The following BABAM2 variants were observed in gnomAD, a reference collection of about 807,000 sequenced individuals.
The protein encoded by BABAM2 is BRISC and BRCA1-A complex member 2.
A neutral mutation model predicts 54.7 loss-of-function variants in BABAM2; 31 were observed. The observed-to-expected ratio is 0.57, with a 90% CI of 0.43 to 0.77. The LOEUF (loss-of-function observed/expected upper bound fraction) is 0.77, where lower values mean the gene tolerates loss of function less well. BABAM2 is among the 30% of genes least tolerant of loss of function. The pLI is 0.00. For missense variants in BABAM2, 364 were observed against 455.8 expected, an observed-to-expected ratio of 0.80 and a Z score of 1.83; for synonymous variants, 167 against 162.9, an observed-to-expected ratio of 1.03 and a Z score of -0.19.
chr2:28,075,271 G>C (rs1204606671), intron 6 of BABAM2, among the ~76,000 whole-genome samples: 1 of 152,178 alleles, frequency 6.6e-6, no homozygotes, highest in Non-Finnish European at 1.5e-5. Context: ...CTGCACCTCT[G>C]TAAAAGCTGA....
At chr2:28,220,628 AT>A (rs200627305) in intron 7 of BABAM2, among the ~76,000 whole-genome samples, 5 of 148,366 alleles carry the variant, frequency 3.4e-5, no homozygotes, top group African/African-American at 4.9e-5. Context: ...CAAAAAAAAA[AT>A]AAATAAAACA....
chr2:28,023,829 A>G (rs1237575829), intron 4 of BABAM2, among the ~76,000 whole-genome samples: 3 of 152,134 alleles, frequency 2.0e-5, no homozygotes, highest in Non-Finnish European at 4.4e-5. Flanking sequence ...TCCTTAAGGC[A>G]ATATAAAGTA....
intron 7 of BABAM2, among the ~76,000 whole-genome samples, chr2:28,220,294 G>A (rs912206294): frequency 1.3e-5 from 2 of 152,060 alleles, no homozygotes; most frequent in Admixed American, 1.3e-4. Context: ...ACTGCTATTT[G>A]TACAATATAT....
At chr2:28,278,291 G>A (rs529472069) in intron 10 of BABAM2, among the ~76,000 whole-genome samples, 30 of 152,314 alleles carry the variant, frequency 2.0e-4, no homozygotes, top group Non-Finnish European at 3.5e-4. Flanking sequence ...AATTCAAGTG[G>A]AAGAAGCTGG....
intron 7 of BABAM2, among the ~76,000 whole-genome samples, chr2:28,168,461 G>A (rs72816414): frequency 0.091 from 13,898 of 152,090 alleles, 683 homozygotes; most frequent in South Asian, 0.13. Context: ...GAGCTTGCCC[G>A]ATCTGCTTTG....
intron 3 of BABAM2, among the ~76,000 whole-genome samples, chr2:27,957,270 A>C (rs1431318398): frequency 1.3e-5 from 2 of 152,186 alleles, no homozygotes; most frequent in Non-Finnish European, 2.9e-5. Context: ...AAAGTACTTT[A>C]ATTCATTCAT....
At chr2:27,913,188 C>G (rs1453208657) in intron 2 of BABAM2, among the ~76,000 whole-genome samples, 1 of 152,178 alleles carries the variant, frequency 6.6e-6, no homozygotes, top group African/African-American at 2.4e-5. Flanking sequence ...CAAGGCTTGA[C>G]TCTTTTATTA....
intron 10 of BABAM2, among the ~76,000 whole-genome samples, chr2:28,250,878 C>T (rs1481313914): frequency 6.6e-6 from 1 of 152,122 alleles, no homozygotes; most frequent in East Asian, 1.9e-4. Context: ...GGATTACAGG[C>T]GTGAGCCACC....
In BABAM2 at chr2:28,162,407, A is replaced by G. The variant is rs553735387; in HGVS notation, c.680+33027A>G. On this transcript the variant is annotated intron_variant, in intron 7 of 11. Transcript: ENST00000379624. ...ATACTAAGTAGCTGGGTATTCTCTT[A>G]GCCTCCTTTTTGTCACCTTTTACCC... Among the ~76,000 whole-genome samples the G allele has an allele frequency of 2.0e-5, 3 of 152,318 alleles. No homozygotes were observed. The South Asian group carries it at 6.2e-4, about 32-fold the overall frequency.
intron 3 of BABAM2, among the ~76,000 whole-genome samples, chr2:27,941,242 A>G (rs1210924218): frequency 6.6e-6 from 1 of 152,212 alleles, no homozygotes; most frequent in African/African-American, 2.4e-5. Flanking sequence ...AAGAATTTCC[A>G]AATGAAAATG....
In BABAM2 at chr2:28,325,825, G is replaced by A. The variant is rs368962688; in HGVS notation, c.1089-12625G>A. 5.3e-5 allele frequency among the ~76,000 whole-genome samples: 8 copies of A among 152,352 alleles called. No individual in the cohort carries two copies. The East Asian group carries it at 9.6e-4, about 18-fold the overall frequency. ...GCCTGAGCACCTGTGGAAGCCATGA[G>A]CTCTGGCCTCTGGATGCTGAGATCT... On this transcript the variant is annotated intron_variant, in intron 11 of 11. Transcript: ENST00000379624. The surrounding 1 kb of genome is among the most constrained non-coding windows in gnomAD (Gnocchi z 4.3).
At position 28,258,615 on chromosome 2, in the gene BABAM2, C is replaced by CTTTTTTTTTTT. The variant is rs70956008; in HGVS notation, c.934+13759_934+13769dup. ...CTTAAGTCTTTTTCTTTTTTCTTTT[C>CTTTTTTTTTTT]TTTTTTTTTTTTTTTTGAGACAGGA... On this transcript the variant is annotated intron_variant, in intron 10 of 11. Coordinates refer to ENST00000379624, the MANE Select transcript of BABAM2 (RefSeq NM_199191.3). 4.4e-3 allele frequency among the ~76,000 whole-genome samples: 440 copies of CTTTTTTTTTTT among 99,952 alleles called. 17 individuals carry two copies. Among genetic ancestry groups the CTTTTTTTTTTT allele is most frequent in the Middle Eastern group, 0.019 (2 of 108 alleles). The allele number at this position is 99,952 out of a possible 152,430, so 65.6% of individuals were successfully genotyped here.
At chr2:28,123,934 T>C (rs1371941550) in intron 6 of BABAM2, among the ~76,000 whole-genome samples, 2 of 152,220 alleles carry the variant, frequency 1.3e-5, no homozygotes, top group Non-Finnish European at 2.9e-5. Flanking sequence ...GCATTTCCGC[T>C]CTTTATTGAA....
At chr2:28,319,803 A>G (rs536755581) in intron 11 of BABAM2, among the ~76,000 whole-genome samples, 2 of 152,316 alleles carry the variant, frequency 1.3e-5, no homozygotes, top group Admixed American at 6.5e-5. Context: ...CAAGGAGTGC[A>G]CATGATTTTC....
intron 7 of BABAM2, chr2:28,233,117 G>A (rs764724659): frequency 4.9e-5 from 22 of 449,990 alleles, no homozygotes; most frequent in East Asian, 1.4e-4. Flanking sequence ...CATCAGAACA[G>A]CCCTATCACC....
In BABAM2 at chr2:28,237,286, C is replaced by T; in HGVS notation, c.765C>T (p.His255=). ...TTGATTACGTTCCTCAAGTATGCCA[C>T]CTGCTCACCAACAAGGTAAAAGCAA... ...CLIDYVPQVC[H]LLTNKVQYVI... is the part of the protein sequence containing the mutation. Residue 255 remains histidine (H), a synonymous_variant, in exon 8 of 12, where the codon CAC becomes CAT. Coordinates refer to ENST00000379624, the MANE Select transcript of BABAM2 (RefSeq NM_199191.3). The T allele has an allele frequency of 6.2e-7, 1 of 1,613,468 alleles. No individual in the cohort carries two copies. Among genetic ancestry groups the T allele is most frequent in the Non-Finnish European group, 8.5e-7 (1 of 1,179,496 alleles).
At chr2:28,048,107 A>C (rs1204463396) in intron 6 of BABAM2, among the ~76,000 whole-genome samples, 4 of 152,236 alleles carry the variant, frequency 2.6e-5, no homozygotes, top group Non-Finnish European at 4.4e-5. Context: ...CTTCACCAGC[A>C]TCAATATAGT....
intron 11 of BABAM2, among the ~76,000 whole-genome samples, chr2:28,326,285 C>T (rs1690448765): frequency 6.6e-6 from 1 of 152,196 alleles, no homozygotes; most frequent in South Asian, 2.1e-4. Flanking sequence ...CCCTGCACCC[C>T]ACCCCAGGCA....
intron 6 of BABAM2, among the ~76,000 whole-genome samples, chr2:28,085,878 A>G (rs748000330): frequency 2.6e-5 from 4 of 152,172 alleles, no homozygotes; most frequent in Non-Finnish European, 4.4e-5. Flanking sequence ...CTTTAAATGA[A>G]GTACTGTTTT....
Sources: gnomAD v4.1 joint callset for allele counts (sites outside exome capture counted in the v4.1 genomes callset) on GRCh38, gnomAD v4.1.1 for gene constraint, Gnocchi (gnomAD v3.1) non-coding constraint, MANE v1.5 for transcripts, NCBI Gene and HGNC (gene_info 2026-07-23, HGNC 2026-07-21) for gene names.